TBC1D2B: variants seen among roughly 807,000 people sequenced by gnomAD.
TBC1D2B encodes the protein TBC1 domain family member 2B.
A neutral mutation model predicts 100.8 loss-of-function variants in TBC1D2B; 64 were observed. The observed-to-expected ratio is 0.64, with a 90% confidence interval of 0.52 to 0.78. The LOEUF (loss-of-function observed/expected upper bound fraction) is 0.78, where lower values mean the gene tolerates loss of function less well. TBC1D2B is among the 30% of genes least tolerant of loss of function. The pLI, the probability that TBC1D2B is intolerant of heterozygous loss-of-function variation, is 0.00. For synonymous variants in TBC1D2B, 480 were observed against 479.7 expected (o/e 1.00, Z -0.01); for missense variants, 1,052 against 1,218.4 (o/e 0.86, Z 2.03).
At chr15:78,046,069 T>C (rs151217750) in intron 2 of TBC1D2B, among the ~76,000 whole-genome samples, 2 of 152,034 alleles carry the variant, frequency 1.3e-5, no homozygotes, top group Non-Finnish European at 2.9e-5. Context: ...GTAGCTGGGA[T>C]TACAGGCACC....
At chr15:78,011,470 C>CTTT (rs201268185) in intron 9 of TBC1D2B, among the ~76,000 whole-genome samples, 2 of 130,400 alleles carry the variant, frequency 1.5e-5, no homozygotes, top group Non-Finnish European at 1.6e-5. Context: ...TTATCCATAT[C>CTTT]TTTTTTTTTT....
At chr15:78,024,816 G>A (rs2072616117) in intron 5 of TBC1D2B, among the ~76,000 whole-genome samples, 1 of 152,022 alleles carries the variant, frequency 6.6e-6, no homozygotes, top group Non-Finnish European at 1.5e-5. Context: ...AAATGTCATG[G>A]GTATTAAAAA....
chr15:78,039,670 G>A (rs1029217167), intron 3 of TBC1D2B, among the ~76,000 whole-genome samples: 1 of 151,988 alleles, frequency 6.6e-6, no homozygotes, highest in South Asian at 2.1e-4. Flanking sequence ...CATTTACTGA[G>A]CACTTACAAT....
chr15:78,055,333 G>T (rs541468109), intron 1 of TBC1D2B, among the ~76,000 whole-genome samples: 60 of 152,144 alleles, frequency 3.9e-4, no homozygotes, highest in African/African-American at 1.3e-3. Context: ...CAACCAAGAT[G>T]GGGGAGAGGA....
At chr15:78,008,783 C>T (rs191734154) in intron 10 of TBC1D2B, among the ~76,000 whole-genome samples, 4 of 152,304 alleles carry the variant, frequency 2.6e-5, no homozygotes, top group East Asian at 3.9e-4. Flanking sequence ...TCTGCTGGTT[C>T]GCAGGGGGCT....
At chr15:78,053,292 C>T (rs2073353692) in intron 2 of TBC1D2B, among the ~76,000 whole-genome samples, 1 of 152,198 alleles carries the variant, frequency 6.6e-6, no homozygotes, top group Non-Finnish European at 1.5e-5. Flanking sequence ...TTAATGTACG[C>T]TCCGTGTGTC....
At chr15:78,057,398 T>G (rs2073447582) in intron 1 of TBC1D2B, among the ~76,000 whole-genome samples, 1 of 152,020 alleles carries the variant, frequency 6.6e-6, no homozygotes. Flanking sequence ...TCTCAGCACT[T>G]TGGGAGGCCG....
chr15:78,000,328 C>CA (rs1188811352), intron 12 of TBC1D2B, among the ~76,000 whole-genome samples: 1 of 152,230 alleles, frequency 6.6e-6, no homozygotes, highest in African/African-American at 2.4e-5. Context: ...CACTCACCTC[C>CA]GCTCCTCCTG....
At position 78,030,083 on chromosome 15, in the gene TBC1D2B, TAA is replaced by T; in HGVS notation, c.769_770del (p.Leu257ArgfsTer5). ...CCTCTAGGTCCTTAGGGGTTGGGTCTAAAAGTTCCCACTCTTCATTGGTATAA... is the reference window on the plus strand; with the variant it reads ...CCTCTAGGTCCTTAGGGGTTGGGTCTAAGTTCCCACTCTTCATTGGTATAA... Reference protein sequence around the residue: ...VFYTNEEWELLDPTPKDLEES... With the variant: ...VFYTNEEWELXDPTPKDLEES... On this transcript the variant is annotated frameshift_variant, in exon 4 of 13. Coordinates refer to ENST00000300584, the MANE Select transcript of TBC1D2B (RefSeq NM_144572.2). LOFTEE classifies it high-confidence loss of function. The T allele has an allele frequency of 6.2e-7, 1 of 1,613,876 alleles. No individual in the cohort carries two copies. Among genetic ancestry groups the T allele is most frequent in the Non-Finnish European group, 8.5e-7 (1 of 1,179,784 alleles).
chr15:78,031,574 A>AAAG (rs1452770906), intron 3 of TBC1D2B, among the ~76,000 whole-genome samples: 6 of 147,504 alleles, frequency 4.1e-5, no homozygotes, highest in African/African-American at 1.6e-4. Context: ...AAAAAAAAAA[A>AAAG]AGAGAGAGAG....
chr15:78,053,587 TG>T (rs2073359246), intron 2 of TBC1D2B, among the ~76,000 whole-genome samples: 1 of 152,256 alleles, frequency 6.6e-6, no homozygotes, highest in Non-Finnish European at 1.5e-5. Flanking sequence ...AATCAATGTT[TG>T]AAGGTTAAAG....
intron 6 of TBC1D2B, among the ~76,000 whole-genome samples, chr15:78,019,656 G>A (rs1388918754): frequency 6.6e-6 from 1 of 151,842 alleles, no homozygotes; most frequent in Admixed American, 6.6e-5. Flanking sequence ...GGGAGGCCAA[G>A]GCAAGAGGAT....
Position 78,013,307 on chromosome 15 carries a change from TATC to T in TBC1D2B, c.1783_1785del (p.Asp595del), listed in dbSNP as rs2072284174. On this transcript the variant is annotated inframe_deletion, in exon 9 of 13. Transcript: ENST00000300584. ...TCAGGTACAGTCCTGAACCCATAAA[TATC>T]ATATTCACTGTTGATAAAAACAAAA... 6 of 1,599,840 alleles carry T rather than the reference TATC, an allele frequency of 3.8e-6. No individual in the cohort carries two copies. The highest frequency in any genetic ancestry group is 5.1e-6 in the Non-Finnish European group (6 of 1,172,488).
chr15:78,026,005 T>C lies in TBC1D2B; in HGVS notation c.848-508A>G, dbSNP rs371472795. ...ACCAACATGCTTCAGCCAGAGATGA[T>C]TGATTCCCCCCACTGGATCCTTCCT... On this transcript the variant is annotated intron_variant, in intron 4 of 12. Coordinates refer to ENST00000300584, the MANE Select transcript of TBC1D2B (RefSeq NM_144572.2). Among the ~76,000 whole-genome samples, 57 of 151,614 alleles carry C rather than the reference T, an allele frequency of 3.8e-4. 1 individual carries two copies. In the East Asian group the frequency reaches 5.4e-3, roughly 14 times the overall value.
At chr15:78,051,278 T>A (rs8029562) in intron 2 of TBC1D2B, among the ~76,000 whole-genome samples, 94,029 of 152,126 alleles carry the variant, frequency 0.62, 29,006 homozygotes, top group Admixed American at 0.64. Context: ...GTATACAATA[T>A]ATATGTGTAT....
intron 1 of TBC1D2B, among the ~76,000 whole-genome samples, chr15:78,070,470 G>A (rs941140392): frequency 1.3e-5 from 2 of 152,190 alleles, no homozygotes; most frequent in Non-Finnish European, 2.9e-5. Context: ...AAAGCTCCAG[G>A]AGGACAGGGA....
chr15:78,077,102 G>A (rs1421490215), intron 1 of TBC1D2B, among the ~76,000 whole-genome samples, 191 bp downstream of exon 1: 1 of 152,256 alleles, frequency 6.6e-6, no homozygotes, highest in Non-Finnish European at 1.5e-5. Context: ...GCCCCAGCGA[G>A]ACTGGCCTAA....
rs758081928 is a variant in TBC1D2B at position 77,996,843 on chromosome 15, A to G, written c.*1317T>C. ...CTGAGATCATTTATCTTGTATTTTCATAACACTGTGCCAGAAAACATCCTC... is the reference window on the plus strand; with the variant it reads ...CTGAGATCATTTATCTTGTATTTTCGTAACACTGTGCCAGAAAACATCCTC... On this transcript the variant is annotated 3_prime_UTR_variant, in exon 13 of 13. Coordinates refer to ENST00000300584, the MANE Select transcript of TBC1D2B (RefSeq NM_144572.2). The G allele has an allele frequency of 2.6e-5, 4 of 152,228 alleles. No homozygotes were observed. Among genetic ancestry groups the G allele is most frequent in the African/African-American group, 4.8e-5 (2 of 41,454 alleles). The allele number at this position is 152,228 out of a possible 1,614,324, so 9.4% of individuals were successfully genotyped here.
At position 78,009,060 on chromosome 15, in the gene TBC1D2B, G is replaced by A. The variant is rs767062024; in HGVS notation, c.2325C>T (p.Leu775=). ...YLEQEDAFWC[L]VTIVEVFMPR... ...GCATGAAAACTTCCACTATGGTAACGAGACACCAGAAAGCATCTTCTTGTT... is the reference window on the plus strand; with the variant it reads ...GCATGAAAACTTCCACTATGGTAACAAGACACCAGAAAGCATCTTCTTGTT... The change falls in exon 10 of 13, where the codon CTC becomes CTT. Residue 775 remains leucine, a synonymous_variant. Coordinates refer to ENST00000300584, the MANE Select transcript of TBC1D2B (RefSeq NM_144572.2). 3 of 1,608,908 alleles carry A rather than the reference G, an allele frequency of 1.9e-6. No individual in the cohort carries two copies. The highest frequency in any genetic ancestry group is 1.7e-6 in the Non-Finnish European group (2 of 1,177,508).
Sources: allele counts gnomAD v4.1 joint callset (sites outside exome capture counted in the v4.1 genomes callset), GRCh38; gene constraint gnomAD v4.1.1; transcripts MANE v1.5; gene names NCBI Gene and HGNC (gene_info 2026-07-23, HGNC 2026-07-21).